Variants in DOCK7 observed in about 807,000 individuals in gnomAD.
DOCK7 encodes dedicator of cytokinesis protein 7.
Under a neutral mutation model 271.0 loss-of-function variants are expected in DOCK7, and 138 were observed. The ratio of observed to expected loss-of-function variants is 0.51; its 90% CI spans 0.44 to 0.59. The LOEUF (loss-of-function observed/expected upper bound fraction) is 0.59, where lower values mean the gene tolerates loss of function less well. Among genes scored for constraint, DOCK7 ranks in the 20% least tolerant of loss-of-function variants. The probability of loss-of-function intolerance (pLI) is 0.00; values close to 1 mark genes in which losing one functional copy is unlikely to be tolerated. For synonymous variants in DOCK7, 823 were observed against 876.1 expected (o/e 0.94, Z 1.07); for missense variants, 2,066 against 2,592.4 (o/e 0.80, Z 4.41).
intron 22 of DOCK7, among the ~76,000 whole-genome samples, chr1:62,546,281 AAATT>A (rs1187085270): frequency 2.0e-5 from 3 of 152,242 alleles, no homozygotes; most frequent in Admixed American, 1.3e-4. Flanking sequence ...CTTCAAGAGA[AAATT>A]TTAAAAAGAA....
intron 14 of DOCK7, among the ~76,000 whole-genome samples, chr1:62,595,800 G>A (rs1367830107): frequency 6.6e-6 from 1 of 152,060 alleles, no homozygotes; most frequent in Non-Finnish European, 1.5e-5. Context: ...GTGGTGGCAT[G>A]CATCTATAGT....
At chr1:62,475,496 TGA>T (rs1645943542) in intron 46 of DOCK7, 145 bp from the exon 47 acceptor site, 16 of 1,093,254 alleles carry the variant, frequency 1.5e-5, no homozygotes, top group South Asian at 7.1e-5. Flanking sequence ...GATTCCTAAA[TGA>T]AAAAAAAAAA....
intron 18 of DOCK7, among the ~76,000 whole-genome samples, chr1:62,570,188 A>G (rs1275770853): frequency 6.6e-6 from 1 of 152,230 alleles, no homozygotes; most frequent in Non-Finnish European, 1.5e-5. Flanking sequence ...TAAGCTGATA[A>G]GCAACTTCAG....
intron 30 of DOCK7, among the ~76,000 whole-genome samples, chr1:62,528,640 C>T (rs1454745017): frequency 6.6e-6 from 1 of 152,152 alleles, no homozygotes; most frequent in Non-Finnish European, 1.5e-5. Context: ...TTTGCAACAC[C>T]AGCACCTGTC....
At chr1:62,513,383 T>C in intron 33 of DOCK7, 61 bp downstream of exon 33, 2 of 1,489,924 alleles carry the variant, frequency 1.3e-6, no homozygotes, top group Non-Finnish European at 1.8e-6. Flanking sequence ...GGATTGACAT[T>C]GAAGACTAGC....
intron 48 of DOCK7, 96 bp downstream of exon 48, chr1:62,473,886 A>G: frequency 1.1e-6 from 1 of 951,172 alleles, no homozygotes. Flanking sequence ...TGCCTAGCCT[A>G]TTTTCTCTTT....
intron 1 of DOCK7, among the ~76,000 whole-genome samples, chr1:62,668,802 G>C (rs1659601607): frequency 6.6e-6 from 1 of 151,846 alleles, no homozygotes; most frequent in African/African-American, 2.4e-5. Context: ...GGCTGAGGTG[G>C]GAGGACTAGC....
chr1:62,533,436 TTTA>T (rs879549957), intron 29 of DOCK7, among the ~76,000 whole-genome samples: 1 of 94,588 alleles, frequency 1.1e-5, no homozygotes, highest in Non-Finnish European at 2.7e-5. Flanking sequence ...GATTCCTTTA[TTTA>T]TTTTTTTTAA....
intron 3 of DOCK7, 38 bp downstream of exon 3, chr1:62,653,946 G>A (rs1228308926): frequency 7.5e-6 from 12 of 1,593,230 alleles, no homozygotes; most frequent in Non-Finnish European, 9.4e-6. Context: ...CCTTTCTATA[G>A]TTCCTCTAAA....
At chr1:62,624,571 T>C (rs1571814886) in intron 12 of DOCK7, among the ~76,000 whole-genome samples, 1 of 152,322 alleles carries the variant, frequency 6.6e-6, no homozygotes, top group Middle Eastern at 3.4e-3. Flanking sequence ...ATGAATATGG[T>C]AGTTTAGGCC....
intron 14 of DOCK7, chr1:62,598,844 A>G (rs1216952208): frequency 7.9e-7 from 1 of 1,259,712 alleles, no homozygotes; most frequent in Non-Finnish European, 1.2e-6. Context: ...CATCTTTCAC[A>G]CAGGTCTGTA....
chr1:62,510,616 T>C lies in DOCK7; in HGVS notation c.4340A>G (p.Asp1447Gly). The C allele has an allele frequency of 6.2e-7, 1 of 1,613,532 alleles. No homozygotes were observed. The highest frequency in any genetic ancestry group is 8.5e-7 in the Non-Finnish European group (1 of 1,179,660). ...TGTGTTTTGACGCCAGTGAGTCATA[T>C]CTTTCCTCCACCTCAAATTTTCTTG... ...GSQENLRWRK[D>G]MTHWRQNTEK... is the part of the protein sequence containing the mutation. The change falls in exon 34 of 50, where the codon GAT (aspartate) becomes GGT (glycine). Residue 1447 changes from aspartate (D) to glycine (G), a missense_variant. Around this residue, in one of 2 missense-constraint regions of DOCK7, gnomAD observed 652 missense variants for 922.1 expected, o/e 0.71. Coordinates refer to ENST00000635253, the MANE Select transcript of DOCK7 (RefSeq NM_001367561.1).
chr1:62,631,462 G>C (rs148349534), intron 10 of DOCK7, 57 bp from the exon 11 acceptor site: 8 of 1,416,616 alleles, frequency 5.6e-6, no homozygotes, highest in African/African-American at 4.4e-5. Context: ...TCAGTTAAAG[G>C]CTATTTCATA....
In DOCK7 at chr1:62,524,626, G is replaced by A. The variant is rs908734801; in HGVS notation, c.3936+3525C>T. 2.0e-5 allele frequency among the ~76,000 whole-genome samples: 3 copies of A among 152,042 alleles called. No homozygotes were observed. In the East Asian group the frequency reaches 5.8e-4, roughly 29 times the overall value. ...AAACTACAGTATTTTGGCAGGACGT[G>A]GTGGCTCATACCTATGATCCCAGCA... On this transcript the variant is annotated intron_variant, in intron 31 of 49. Transcript: ENST00000635253.
rs867074552 is a variant in DOCK7 at position 62,582,422 on chromosome 1, C to T, written c.1871+762G>A. Among the ~76,000 whole-genome samples the T allele has an allele frequency of 1.8e-3, 269 of 147,982 alleles. 2 individuals are homozygous for T. The highest frequency in any genetic ancestry group is 6.2e-3 in the African/African-American group (251 of 40,454). On this transcript the variant is annotated intron_variant, in intron 16 of 49. Transcript: ENST00000635253. ...AAAATTAGCCGGGCGTAGTGGCGGG[C>T]GCCTGTAGTCCCAGCTACTTGGGAG...
chr1:62,648,047 A>G, intron 6 of DOCK7, 59 bp downstream of exon 6: 1 of 1,506,966 alleles, frequency 6.6e-7, no homozygotes, highest in Non-Finnish European at 9.2e-7. Flanking sequence ...TATATCAATC[A>G]TAATCCCAAA....
At chr1:62,465,516 A>G (rs933852185) in intron 48 of DOCK7, among the ~76,000 whole-genome samples, 2 of 152,074 alleles carry the variant, frequency 1.3e-5, no homozygotes, top group Admixed American at 6.5e-5. Flanking sequence ...CGTAGGCATG[A>G]AAACCTTGCA....
rs369259322 is a variant in DOCK7, at chr1:62,496,325, G to T, written c.4923+14C>A. 3 of 1,610,360 alleles carry T rather than the reference G, an allele frequency of 1.9e-6. No individual in the cohort carries two copies. The East Asian group carries it at 6.7e-5, about 36-fold the overall frequency. ...CCTATTTCAATTAATGATCTAGAAAGCAGCATTTCTGACCTGATCAGGAAA... is the reference window on the plus strand; with the variant it reads ...CCTATTTCAATTAATGATCTAGAAATCAGCATTTCTGACCTGATCAGGAAA... On this transcript the variant is annotated intron_variant, in intron 38 of 49. Coordinates refer to ENST00000635253, the MANE Select transcript of DOCK7 (RefSeq NM_001367561.1).
chr1:62,546,697 T>C (rs978098323), intron 22 of DOCK7, among the ~76,000 whole-genome samples: 1 of 152,088 alleles, frequency 6.6e-6, no homozygotes, highest in African/African-American at 2.4e-5. Flanking sequence ...TCTATCAAAG[T>C]AAATTAGACA....
Sources: gnomAD v4.1 joint callset for allele counts (sites outside exome capture counted in the v4.1 genomes callset) on GRCh38, gnomAD v4.1.1 for gene constraint, gnomAD v4.1.1 regional missense constraint, MANE v1.5 for transcripts, NCBI Gene and HGNC (gene_info 2026-07-23, HGNC 2026-07-21) for gene names.